The following ITGA9 variants were observed in gnomAD, a reference collection of about 807,000 sequenced individuals.
The protein encoded by ITGA9 is integrin subunit alpha 9.
ITGA9 carries 56 observed loss-of-function variants against 127.8 expected under a neutral mutation model. The ratio of observed to expected loss-of-function variants is 0.44; its 90% CI spans 0.35 to 0.55. ITGA9 has a LOEUF of 0.55. Ranked by LOEUF, ITGA9 falls within the 20% of genes least tolerant of loss-of-function variation. The probability of loss-of-function intolerance (pLI) is 0.00; values close to 1 mark genes in which losing one functional copy is unlikely to be tolerated. For missense variants in ITGA9, 1,196 were observed against 1,347.1 expected, an observed-to-expected ratio of 0.89 and a Z score of 1.76; for synonymous variants, 508 against 514.5, an observed-to-expected ratio of 0.99 and a Z score of 0.17.
At position 37,819,112 on chromosome 3, in the gene ITGA9, C is replaced by T; in HGVS notation, c.*123C>T. 2.5e-6 allele frequency: 2 copies of T among 791,058 alleles called. No homozygotes were observed. Among genetic ancestry groups the T allele is most frequent in the Non-Finnish European group, 4.4e-6 (2 of 457,094 alleles). 49.0% of individuals were successfully genotyped at this position (791,058 alleles called of 1,614,324 possible). ...GAGGCCCCACTGATGCTGTTCTCTT[C>T]TTCATTCTATCAAGCCCAGGTGCCA... On this transcript the variant is annotated 3_prime_UTR_variant, in exon 28 of 28. Coordinates refer to ENST00000264741, the MANE Select transcript of ITGA9 (RefSeq NM_002207.3).
chr3:37,498,614 A>C, intron 5 of ITGA9, among the ~76,000 whole-genome samples: 1 of 152,148 alleles, frequency 6.6e-6, no homozygotes, highest in East Asian at 1.9e-4. Context: ...GGGTGTCAGC[A>C]TGTGCTGGCT....
chr3:37,475,359 A>G (rs1453550211), intron 3 of ITGA9, among the ~76,000 whole-genome samples: 1 of 152,202 alleles, frequency 6.6e-6, no homozygotes, highest in African/African-American at 2.4e-5. Context: ...TCCTGTGAAA[A>G]TATTTCCTCT....
intron 8 of ITGA9, among the ~76,000 whole-genome samples, chr3:37,510,861 A>G (rs751525281): frequency 5.3e-5 from 8 of 151,954 alleles, no homozygotes; most frequent in East Asian, 1.9e-4. Flanking sequence ...ACTTCCTTCT[A>G]CTAGTGTCTC....
At chr3:37,655,413 T>C (rs1488412776) in intron 17 of ITGA9, among the ~76,000 whole-genome samples, 1 of 152,200 alleles carries the variant, frequency 6.6e-6, no homozygotes, top group East Asian at 1.9e-4. Flanking sequence ...TGGTATCTCA[T>C]TGTGGTTTTG....
intron 5 of ITGA9, among the ~76,000 whole-genome samples, chr3:37,496,636 C>A (rs1698733348): frequency 6.6e-6 from 1 of 152,204 alleles, no homozygotes; most frequent in Non-Finnish European, 1.5e-5. Flanking sequence ...GGAAAAATAT[C>A]ATGGTGCTCC....
chr3:37,664,442 T>TTTTTTA (rs1553655957), intron 17 of ITGA9, among the ~76,000 whole-genome samples: 1 of 127,856 alleles, frequency 7.8e-6, no homozygotes, highest in Non-Finnish European at 1.6e-5. Flanking sequence ...TTTTTTTTTT[T>TTTTTTA]AGACGGAGTT....
chr3:37,637,310 GA>G (rs1468439784), intron 16 of ITGA9, among the ~76,000 whole-genome samples: 1 of 152,070 alleles, frequency 6.6e-6, no homozygotes, highest in East Asian at 1.9e-4. Context: ...TTATTTCATT[GA>G]GCAGTGGTTT....
intron 6 of ITGA9, among the ~76,000 whole-genome samples, chr3:37,505,409 A>G (rs977982374): frequency 6.6e-6 from 1 of 152,258 alleles, no homozygotes; most frequent in African/African-American, 2.4e-5. Flanking sequence ...ACATATTTAT[A>G]TAACGGATAT....
At chr3:37,561,970 C>T (rs1470823735) in intron 15 of ITGA9, among the ~76,000 whole-genome samples, 3 of 152,156 alleles carry the variant, frequency 2.0e-5, no homozygotes, top group South Asian at 2.1e-4. Flanking sequence ...TCCTCTGTGC[C>T]ACAAATAATG....
intron 15 of ITGA9, among the ~76,000 whole-genome samples, chr3:37,543,173 G>T (rs372244868): frequency 1.6e-4 from 25 of 152,286 alleles, no homozygotes; most frequent in Middle Eastern, 3.4e-3. Context: ...AATTCAGGAG[G>T]CCAGGCTTTG....
rs562570549 is a variant in ITGA9, at chr3:37,688,803, G to A, written c.2067+4788G>A. On this transcript the variant is annotated intron_variant, in intron 18 of 27. Coordinates refer to ENST00000264741, the MANE Select transcript of ITGA9 (RefSeq NM_002207.3). ...CTGCACAGGATCTGTCCACAGAATAGATGGATGGATGGATGGATGGGTGGG... is the reference window on the plus strand; with the variant it reads ...CTGCACAGGATCTGTCCACAGAATAAATGGATGGATGGATGGATGGGTGGG... Among the ~76,000 whole-genome samples, 891 of 151,140 alleles carry A rather than the reference G, an allele frequency of 5.9e-3. 8 individuals are homozygous for A. The highest frequency in any genetic ancestry group is 8.7e-3 in the Non-Finnish European group (588 of 67,616).
At chr3:37,653,830 C>T in intron 17 of ITGA9, 40 bp downstream of exon 17, 2 of 1,496,326 alleles carry the variant, frequency 1.3e-6, no homozygotes, top group Non-Finnish European at 1.9e-6. Context: ...TCTCAGGCTC[C>T]TTTTTCTTGA....
chr3:37,775,723 G>T (rs1696899097), intron 23 of ITGA9, among the ~76,000 whole-genome samples: 1 of 151,950 alleles, frequency 6.6e-6, no homozygotes, highest in South Asian at 2.1e-4. Flanking sequence ...CTTATACACT[G>T]TTGGTGGGAG....
At chr3:37,511,519 C>T (rs1698904450) in intron 8 of ITGA9, among the ~76,000 whole-genome samples, 1 of 152,146 alleles carries the variant, frequency 6.6e-6, no homozygotes, top group Non-Finnish European at 1.5e-5. Context: ...CAAATAGTTC[C>T]CCTGGGGCTC....
At chr3:37,755,167 A>G (rs1469951373) in intron 23 of ITGA9, among the ~76,000 whole-genome samples, 1 of 152,214 alleles carries the variant, frequency 6.6e-6, no homozygotes, top group African/African-American at 2.4e-5. Flanking sequence ...AGGTAAGATC[A>G]GCATCCCAAG....
intron 3 of ITGA9, 123 bp from the exon 4 acceptor site, chr3:37,481,361 G>A (rs1341632664): frequency 7.7e-7 from 1 of 1,306,934 alleles, no homozygotes; most frequent in Non-Finnish European, 1.1e-6. Context: ...ATGAAGGTGT[G>A]GCTTTCTGGT....
chr3:37,623,170 C>T (rs1047670624), intron 15 of ITGA9, among the ~76,000 whole-genome samples: 1 of 131,610 alleles, frequency 7.6e-6, no homozygotes, highest in Non-Finnish European at 1.7e-5. Flanking sequence ...AATATGTCAG[C>T]ACCTTAACCA....
At chr3:37,593,786 G>A (rs1039470613) in intron 15 of ITGA9, among the ~76,000 whole-genome samples, 4 of 152,292 alleles carry the variant, frequency 2.6e-5, no homozygotes, top group South Asian at 2.1e-4. Flanking sequence ...TCTAAGCTGC[G>A]GGGAAAGGGA....
intron 1 of ITGA9, among the ~76,000 whole-genome samples, chr3:37,463,623 A>G (rs1698339291): frequency 6.6e-6 from 1 of 152,332 alleles, no homozygotes; most frequent in South Asian, 2.1e-4. Context: ...TGGCCAATGT[A>G]AGTCACAGGT....
Sources: gnomAD v4.1 joint callset for allele counts (sites outside exome capture counted in the v4.1 genomes callset) on GRCh38, gnomAD v4.1.1 for gene constraint, MANE v1.5 for transcripts, NCBI Gene and HGNC (gene_info 2026-07-23, HGNC 2026-07-21) for gene names.